OSBPL9: variants seen among roughly 807,000 people sequenced by gnomAD.
OSBPL9 encodes oxysterol binding protein like 9.
Under a neutral mutation model 106.6 loss-of-function variants are expected in OSBPL9, and 40 were observed. That is an observed-to-expected ratio of 0.38 (90% CI 0.29 to 0.49). The LOEUF (loss-of-function observed/expected upper bound fraction) is 0.49, where lower values mean the gene tolerates loss of function less well. OSBPL9 is among the 20% of genes least tolerant of loss of function. The pLI, the probability that OSBPL9 is intolerant of heterozygous loss-of-function variation, is 0.97. For synonymous variants in OSBPL9, 269 were observed against 295.4 expected (o/e 0.91, Z 0.92); for missense variants, 609 against 887.2 (o/e 0.69, Z 3.98).
upstream of OSBPL9, among the ~76,000 whole-genome samples, chr1:51,577,003 G>A (rs1645188240): frequency 6.6e-6 from 1 of 152,130 alleles, no homozygotes; most frequent in Non-Finnish European, 1.5e-5. Context: ...TTTGGATCGT[G>A]GGGAGAATCC....
chr1:51,520,155 T>C, the OSBPL9 span, among the ~76,000 whole-genome samples: 2 of 152,234 alleles, frequency 1.3e-5, no homozygotes, highest in Non-Finnish European at 2.9e-5. Context: ...TTTACACCTA[T>C]CTATCCCTCT....
At chr1:51,611,952 G>A (rs77097383) in intron 2 of OSBPL9, among the ~76,000 whole-genome samples, 3,440 of 152,300 alleles carry the variant, frequency 0.023, 76 homozygotes, top group Middle Eastern at 0.088. Context: ...TCTAGCCTGG[G>A]TGACCGAGTG....
chr1:51,722,620 G>GTT (rs1662363476), intron 4 of OSBPL9, among the ~76,000 whole-genome samples: 1 of 152,194 alleles, frequency 6.6e-6, no homozygotes, highest in African/African-American at 2.4e-5. Flanking sequence ...GCGTTGTGGG[G>GTT]TTGTATAGAG....
intron 1 of OSBPL9, among the ~76,000 whole-genome samples, chr1:51,621,021 C>T (rs1644393978): frequency 1.3e-5 from 2 of 152,200 alleles, no homozygotes; most frequent in South Asian, 4.1e-4. Flanking sequence ...AGCCCCTGTG[C>T]CCAGCCTATT....
chr1:51,765,956 G>C lies in OSBPL9; in HGVS notation c.913G>C (p.Gly305Arg). 1 of 1,613,706 alleles carries C rather than the reference G, an allele frequency of 6.2e-7. No individual in the cohort carries two copies. The highest frequency in any genetic ancestry group is 8.5e-7 in the Non-Finnish European group (1 of 1,179,846). The change falls in exon 12 of 24, where the codon GGC (glycine) becomes CGC (arginine). Residue 305 changes from glycine to arginine, a missense_variant. This residue lies in a region of OSBPL9 where 356 missense variants were observed against 505.8 expected (regional missense o/e 0.70). Coordinates refer to ENST00000428468, the MANE Select transcript of OSBPL9 (RefSeq NM_024586.6). ...TGATGCTGATGAATTCCATCAAAGT[G>C]GCTCATCCCCAAAGCGCTTAATAGA... Reference protein sequence around the residue: ...FYDADEFHQSGSSPKRLIDSS... With the variant: ...FYDADEFHQSRSSPKRLIDSS...
At chr1:51,642,052 A>G (rs1362780835) in intron 1 of OSBPL9, among the ~76,000 whole-genome samples, 1 of 152,196 alleles carries the variant, frequency 6.6e-6, no homozygotes, top group Non-Finnish European at 1.5e-5. Flanking sequence ...GGCAGGTTTA[A>G]CAGACTTAGT....
chr1:51,718,049 A>G (rs1251069237), intron 4 of OSBPL9, among the ~76,000 whole-genome samples: 1 of 152,226 alleles, frequency 6.6e-6, no homozygotes, highest in Non-Finnish European at 1.5e-5. Flanking sequence ...AAATCCTGTC[A>G]TTTGCAATCC....
At chr1:51,578,945 G>A (rs1405570060) in intron 1 of OSBPL9, among the ~76,000 whole-genome samples, 1 of 152,114 alleles carries the variant, frequency 6.6e-6, no homozygotes, top group Non-Finnish European at 1.5e-5. Flanking sequence ...ATGCCTGAAT[G>A]TCACATGAAC....
intron 11 of OSBPL9, among the ~76,000 whole-genome samples, chr1:51,765,147 C>A (rs1258061504): frequency 2.6e-5 from 4 of 152,176 alleles, no homozygotes; most frequent in Non-Finnish European, 5.9e-5. Context: ...TGGCAGGCTT[C>A]TTTGTCTGGG....
chr1:51,623,344 A>G (rs116735853), intron 1 of OSBPL9, among the ~76,000 whole-genome samples: 1,814 of 152,330 alleles, frequency 0.012, 38 homozygotes, highest in African/African-American at 0.042. Flanking sequence ...AAGCAAGGTC[A>G]ATGTTAAAAA....
chr1:51,525,336 T>C, the OSBPL9 span, among the ~76,000 whole-genome samples: 3,340 of 152,328 alleles, frequency 0.022, 32 homozygotes, highest in Middle Eastern at 0.034. Context: ...GTTCAGTATC[T>C]GTCACTTAGC....
intron 1 of OSBPL9, among the ~76,000 whole-genome samples, chr1:51,588,694 G>A (rs982243520): frequency 6.6e-6 from 1 of 152,126 alleles, no homozygotes; most frequent in Non-Finnish European, 1.5e-5. Context: ...TACACAATAA[G>A]CATTCAATAA....
intron 3 of OSBPL9, among the ~76,000 whole-genome samples, chr1:51,683,277 T>G (rs564237266): frequency 2.0e-5 from 3 of 151,810 alleles, no homozygotes; most frequent in Non-Finnish European, 4.4e-5. Flanking sequence ...ATCTCCCGAG[T>G]TCAAGCGATT....
intron 4 of OSBPL9, among the ~76,000 whole-genome samples, chr1:51,739,920 A>G (rs1251271812): frequency 6.6e-6 from 1 of 152,016 alleles, no homozygotes; most frequent in Non-Finnish European, 1.5e-5. Flanking sequence ...GGGAGACAAG[A>G]TGTCATTTCT....
chr1:51,750,248 A>G (rs1668955293), intron 8 of OSBPL9, 53 bp downstream of exon 8: 4 of 1,361,736 alleles, frequency 2.9e-6, no homozygotes, highest in Admixed American at 4.1e-5. Context: ...AAAAATTATA[A>G]TGGCGTTTTT....
chr1:51,702,979 C>T (rs535048580), intron 3 of OSBPL9, among the ~76,000 whole-genome samples: 1 of 152,230 alleles, frequency 6.6e-6, no homozygotes, highest in Non-Finnish European at 1.5e-5. Flanking sequence ...TTTCTGAGGG[C>T]TCTGTTCTGT....
intron 4 of OSBPL9, among the ~76,000 whole-genome samples, chr1:51,720,792 A>ATTT (rs34137715): frequency 2.5e-3 from 250 of 101,108 alleles, no homozygotes; most frequent in Non-Finnish European, 3.3e-3. Context: ...TCAAATTGGA[A>ATTT]TTTTTTTTTT....
chr1:51,752,255 C>G (rs1471842206), intron 8 of OSBPL9, among the ~76,000 whole-genome samples: 1 of 147,208 alleles, frequency 6.8e-6, no homozygotes, highest in Non-Finnish European at 1.5e-5. Context: ...CCGCCCCCGG[C>G]TTTAGGGATT....
chr1:51,667,927 A>C (rs1353254103), intron 2 of OSBPL9, among the ~76,000 whole-genome samples: 3 of 152,202 alleles, frequency 2.0e-5, no homozygotes, highest in Non-Finnish European at 2.9e-5. Context: ...CCCATCTGAC[A>C]CTGAGGAATA....
Sources: gnomAD v4.1 joint callset for allele counts (sites outside exome capture counted in the v4.1 genomes callset) on GRCh38, gnomAD v4.1.1 for gene constraint, gnomAD v4.1.1 regional missense constraint, MANE v1.5 for transcripts, NCBI Gene and HGNC (gene_info 2026-07-23, HGNC 2026-07-21) for gene names.